CDH18: variants seen among roughly 807,000 people sequenced by gnomAD.
CDH18 encodes the protein cadherin 18, also known as cadherin-18.
A neutral mutation model predicts 67.9 loss-of-function variants in CDH18; 31 were observed. The ratio of observed to expected loss-of-function variants is 0.46; its 90% CI spans 0.34 to 0.62. CDH18 has a LOEUF of 0.62. Ranked by LOEUF, CDH18 falls within the 20% of genes least tolerant of loss-of-function variation. The pLI is 0.01. For missense variants in CDH18, 890 were observed against 975.5 expected (o/e 0.91, Z 1.17); for synonymous variants, 362 against 347.2 (o/e 1.04, Z -0.48).
intron 3 of CDH18, among the ~76,000 whole-genome samples, chr5:19,760,334 T>C (rs1772165352): frequency 6.6e-6 from 1 of 152,144 alleles, no homozygotes; most frequent in Non-Finnish European, 1.5e-5. Flanking sequence ...TTCTGGACTC[T>C]CCCAGCTGGG....
intron 1 of CDH18, among the ~76,000 whole-genome samples, chr5:20,519,371 C>T (rs561416101): frequency 6.6e-6 from 1 of 152,056 alleles, no homozygotes; most frequent in African/African-American, 2.4e-5. Flanking sequence ...ATCGCAAGGA[C>T]AAAAAACCAA....
chr5:19,552,371 T>G (rs1737610435), intron 8 of CDH18, among the ~76,000 whole-genome samples: 1 of 152,174 alleles, frequency 6.6e-6, no homozygotes, highest in Non-Finnish European at 1.5e-5. Flanking sequence ...AATTATTGAC[T>G]GTGAAAGCTC....
At chr5:19,962,255 T>C (rs993753700) in intron 2 of CDH18, among the ~76,000 whole-genome samples, 11 of 151,418 alleles carry the variant, frequency 7.3e-5, no homozygotes, top group African/African-American at 2.7e-4. Flanking sequence ...AATTTTGGGT[T>C]TTAAAGATGG....
intron 1 of CDH18, among the ~76,000 whole-genome samples, chr5:20,435,633 A>C (rs1233078542): frequency 6.6e-6 from 1 of 152,022 alleles, no homozygotes; most frequent in Non-Finnish European, 1.5e-5. Context: ...CGGTGTAACA[A>C]CACCAGCTTC....
chr5:20,020,673 G>C (rs1738333699), intron 2 of CDH18, among the ~76,000 whole-genome samples: 1 of 152,118 alleles, frequency 6.6e-6, no homozygotes. Flanking sequence ...AAGGGTTGAG[G>C]CTTGGGAGTC....
At chr5:20,160,115 T>A (rs1364006101) in intron 2 of CDH18, among the ~76,000 whole-genome samples, 1 of 152,158 alleles carries the variant, frequency 6.6e-6, no homozygotes, top group Non-Finnish European at 1.5e-5. Context: ...AAAGAAAAAC[T>A]GTATATTAGA....
intron 2 of CDH18, among the ~76,000 whole-genome samples, chr5:20,142,013 C>T (rs1750283714): frequency 6.6e-6 from 1 of 151,618 alleles, no homozygotes; most frequent in Admixed American, 6.6e-5. Flanking sequence ...AAGAATCAGA[C>T]TGTAATATAC....
At chr5:20,517,028 T>C (rs1287617132) in intron 1 of CDH18, among the ~76,000 whole-genome samples, 43 of 151,942 alleles carry the variant, frequency 2.8e-4, no homozygotes, top group Admixed American at 2.5e-3. Context: ...TAGTCTTTGA[T>C]CATGACAAAC....
Position 20,298,868 on chromosome 5 carries a change from A to G in CDH18, c.-579-43363T>C, listed in dbSNP as rs1580696973. 2.0e-5 allele frequency among the ~76,000 whole-genome samples: 3 copies of G among 152,320 alleles called. No individual in the cohort carries two copies. In the South Asian group the frequency reaches 6.2e-4, roughly 32 times the overall value. On this transcript the variant is annotated intron_variant, in intron 1 of 14. Coordinates refer to the CDH18 transcript ENST00000507958. ...TGCTGGAGACTGAAGAACTGAAGAA[A>G]AAAAACATTTGGATAAGAAGAAAGC...
rs1368737499 is a variant in CDH18 at position 19,957,556 on chromosome 5, T to C, written c.-257+23504A>G. Among the ~76,000 whole-genome samples, 10 of 151,924 alleles carry C rather than the reference T, an allele frequency of 6.6e-5. No individual in the cohort carries two copies. In the South Asian group the frequency reaches 2.1e-3, roughly 31 times the overall value. ...TTAGTATGACCAAAATGTTTCTATT[T>C]AGAAACATGGAGTTATTTTAGTTAT... On this transcript the variant is annotated intron_variant, in intron 2 of 12. Transcript: ENST00000382275.
At chr5:19,527,711 C>A (rs1207621009) in intron 9 of CDH18, among the ~76,000 whole-genome samples, 1 of 151,804 alleles carries the variant, frequency 6.6e-6, no homozygotes, top group Admixed American at 6.6e-5. Flanking sequence ...AGAAACACAT[C>A]ACATAAAACT....
At chr5:20,571,491 G>T (rs1322982079) in intron 1 of CDH18, among the ~76,000 whole-genome samples, 1 of 151,992 alleles carries the variant, frequency 6.6e-6, no homozygotes, top group African/African-American at 2.4e-5. Context: ...CTAATTTTGT[G>T]AAAAAGAACA....
At chr5:20,316,815 A>T (rs1737506743) in intron 1 of CDH18, among the ~76,000 whole-genome samples, 1 of 152,054 alleles carries the variant, frequency 6.6e-6, no homozygotes, top group Non-Finnish European at 1.5e-5. Context: ...TACAAAATAC[A>T]CATGATTATT....
chr5:20,488,610 C>T (rs989341402), intron 1 of CDH18, among the ~76,000 whole-genome samples: 16 of 150,432 alleles, frequency 1.1e-4, no homozygotes, highest in Admixed American at 6.0e-4. Context: ...TTGTAGTGGT[C>T]GTTGCCTTGG....
At chr5:19,484,775 C>T (rs1452860716) in intron 11 of CDH18, among the ~76,000 whole-genome samples, 2 of 152,198 alleles carry the variant, frequency 1.3e-5, no homozygotes, top group Non-Finnish European at 2.9e-5. Flanking sequence ...TCTACGCTGT[C>T]GTTCTTCCTT....
chr5:19,588,863 A>G lies in CDH18; in HGVS notation c.999+2194T>C, dbSNP rs549937843. 3.3e-5 allele frequency among the ~76,000 whole-genome samples: 5 copies of G among 152,266 alleles called. No individual in the cohort carries two copies. The South Asian group carries it at 1.0e-3, about 32-fold the overall frequency. ...CAAGAAGTAACTACACTAAATGTATATGGACTCAATACAGGAGTACCCAGA... is the reference window on the plus strand; with the variant it reads ...CAAGAAGTAACTACACTAAATGTATGTGGACTCAATACAGGAGTACCCAGA... On this transcript the variant is annotated intron_variant, in intron 7 of 12. Coordinates refer to ENST00000382275, the MANE Select transcript of CDH18 (RefSeq NM_004934.5).
At chr5:19,727,242 CCTT>C (rs1471019215) in intron 4 of CDH18, among the ~76,000 whole-genome samples, 1 of 152,168 alleles carries the variant, frequency 6.6e-6, no homozygotes, top group Non-Finnish European at 1.5e-5. Flanking sequence ...CAGAATGTGA[CCTT>C]CTTTAGAAAT....
chr5:19,813,613 T>C (rs1778974966), intron 3 of CDH18, among the ~76,000 whole-genome samples: 1 of 152,092 alleles, frequency 6.6e-6, no homozygotes, highest in Non-Finnish European at 1.5e-5. Context: ...TTTTGGAACT[T>C]AACTTCAGAA....
chr5:19,604,531 AC>A (rs1338614017), intron 6 of CDH18, among the ~76,000 whole-genome samples: 2 of 1,928 alleles, frequency 1.0e-3, no homozygotes, highest in Admixed American at 0.011. Context: ...TCAAATTAAA[AC>A]ACACACACAC....
Sources: allele counts gnomAD v4.1 joint callset (sites outside exome capture counted in the v4.1 genomes callset), GRCh38; gene constraint gnomAD v4.1.1; transcripts MANE v1.5; gene names NCBI Gene and HGNC (gene_info 2026-07-23, HGNC 2026-07-21).